DTNA: variants seen among roughly 807,000 people sequenced by gnomAD.
The protein encoded by DTNA is dystrophin-related protein 3.
In DTNA, 43 loss-of-function variants were observed where a neutral mutation model predicts 100.7. The ratio of observed to expected loss-of-function variants is 0.43; its 90% confidence interval spans 0.33 to 0.55. The LOEUF is 0.55. Ranked by LOEUF, DTNA falls within the 20% of genes least tolerant of loss-of-function variation. DTNA has a pLI of 0.04. For synonymous variants in DTNA, 349 were observed against 347.9 expected (o/e 1.00, Z -0.04); for missense variants, 798 against 953.9 (o/e 0.84, Z 2.15).
Position 34,616,694 on chromosome 18 carries a change from G to A in DTNA, c.-2+123180G>A, listed in dbSNP as rs886406289. ...TTAATAGTTTGATAGGAATAGCATT[G>A]AATCTGTAAATTGCTTTGAGCAATA... On this transcript the variant is annotated intron_variant, in intron 1 of 19. Coordinates refer to the DTNA transcript ENST00000283365. 9.9e-5 allele frequency among the ~76,000 whole-genome samples: 15 copies of A among 152,096 alleles called. 1 individual carries two copies. The highest frequency in any genetic ancestry group is 3.3e-4 in the Admixed American group (5 of 15,264).
At chr18:34,508,054 G>A (rs919701659) in intron 1 of DTNA, among the ~76,000 whole-genome samples, 2 of 151,966 alleles carry the variant, frequency 1.3e-5, no homozygotes, top group Non-Finnish European at 2.9e-5. Flanking sequence ...TAATGATTAT[G>A]CAATTATTTT....
chr18:34,859,569 G>A (rs2096593242), intron 16 of DTNA, among the ~76,000 whole-genome samples: 1 of 152,196 alleles, frequency 6.6e-6, no homozygotes, highest in South Asian at 2.1e-4. Flanking sequence ...GGTTGCAGGA[G>A]GGGACCAATC....
chr18:34,610,412 A>G (rs550176108), intron 1 of DTNA, among the ~76,000 whole-genome samples: 3 of 152,252 alleles, frequency 2.0e-5, no homozygotes, highest in South Asian at 2.1e-4. Flanking sequence ...ATAAATCACA[A>G]ATTTTCTGGT....
In DTNA at chr18:34,890,443, G is replaced by A; in HGVS notation, c.*2709G>A. ...TTTACTTTTGGGGCCTGTTCTAAGT[G>A]CAAACCCAGCAAGTTTCACTTGTCC... On this transcript the variant is annotated 3_prime_UTR_variant, in exon 23 of 23. Coordinates refer to ENST00000444659, the MANE Select transcript of DTNA (RefSeq NM_001386795.1). 1.3e-6 allele frequency: 2 copies of A among 1,536,084 alleles called. No homozygotes were observed. Among genetic ancestry groups the A allele is most frequent in the Non-Finnish European group, 1.7e-6 (2 of 1,146,892 alleles).
intron 17 of DTNA, chr18:34,866,423 T>G: frequency 7.7e-7 from 1 of 1,301,934 alleles, no homozygotes; most frequent in East Asian, 3.6e-5. Context: ...GGTATAAGTT[T>G]CAAACCAGTC....
intron 1 of DTNA, among the ~76,000 whole-genome samples, chr18:34,557,647 C>T (rs1387015760): frequency 6.6e-6 from 1 of 151,590 alleles, no homozygotes; most frequent in East Asian, 1.9e-4. Flanking sequence ...TCAGTGTGCC[C>T]CTGCTGGGGG....
At chr18:34,784,354 G>A (rs1274877655) in intron 3 of DTNA, among the ~76,000 whole-genome samples, 3 of 152,240 alleles carry the variant, frequency 2.0e-5, no homozygotes, top group East Asian at 3.9e-4. Context: ...TTTCCTCTAA[G>A]CTCCAACACA....
intron 1 of DTNA, among the ~76,000 whole-genome samples, chr18:34,575,073 A>G (rs1179222867): frequency 1.3e-5 from 2 of 152,242 alleles, no homozygotes; most frequent in Non-Finnish European, 2.9e-5. Context: ...TCAGAGGCAT[A>G]GCTGATATTG....
At chr18:34,511,379 A>G (rs2041075849) in intron 1 of DTNA, among the ~76,000 whole-genome samples, 1 of 152,100 alleles carries the variant, frequency 6.6e-6, no homozygotes, top group East Asian at 1.9e-4. Flanking sequence ...TCTAGATGAG[A>G]AAAAGATAGG....
chr18:34,735,273 A>G (rs1007844358), intron 1 of DTNA, among the ~76,000 whole-genome samples: 1 of 152,088 alleles, frequency 6.6e-6, no homozygotes, highest in Non-Finnish European at 1.5e-5. Context: ...ATTAGATTGT[A>G]CCTACCAGAT....
rs115712655 is a variant in DTNA at position 34,851,946 on chromosome 18, T to C, written c.1532+18T>C. The C allele has an allele frequency of 1.5e-3, 2,365 of 1,612,216 alleles. 40 individuals are homozygous for C. In the African/African-American group the frequency reaches 0.028, roughly 19 times the overall value. On this transcript the variant is annotated intron_variant, in intron 15 of 22. Transcript: ENST00000444659. The stretch of plus-strand genomic sequence containing the variant: ...AAGAACAGGTGAGACTTTGTAGACG[T>C]GCTGGCTTGTTTGATCAATGTGCGC...
At chr18:34,571,737 G>A (rs1476759185) in intron 1 of DTNA, among the ~76,000 whole-genome samples, 1 of 152,116 alleles carries the variant, frequency 6.6e-6, no homozygotes, top group Non-Finnish European at 1.5e-5. Flanking sequence ...CTAACTCTCT[G>A]CAAAGGGTCC....
chr18:34,774,524 T>G (rs2093947213), intron 3 of DTNA, among the ~76,000 whole-genome samples: 1 of 152,262 alleles, frequency 6.6e-6, no homozygotes, highest in African/African-American at 2.4e-5. Context: ...CACTCATTTA[T>G]GTATTCACTC....
intron 1 of DTNA, among the ~76,000 whole-genome samples, chr18:34,521,777 A>G (rs150340811): frequency 2.0e-5 from 3 of 152,184 alleles, no homozygotes; most frequent in African/African-American, 7.2e-5. Context: ...CTTCTCTACC[A>G]TTCTGCCTAG....
At chr18:34,650,457 T>G (rs1275777222) in intron 1 of DTNA, among the ~76,000 whole-genome samples, 1 of 152,208 alleles carries the variant, frequency 6.6e-6, no homozygotes, top group Non-Finnish European at 1.5e-5. Context: ...TTGTTCCTAC[T>G]TCTCCTTTTG....
rs147696018 is a variant in DTNA, at chr18:34,661,566, A to G, written c.-1-94410A>G. Among the ~76,000 whole-genome samples the G allele has an allele frequency of 3.7e-3, 565 of 152,326 alleles. 2 individuals carry two copies. Among genetic ancestry groups the G allele is most frequent in the Admixed American group, 8.7e-3 (133 of 15,308 alleles). On this transcript the variant is annotated intron_variant, in intron 1 of 19. Coordinates refer to the DTNA transcript ENST00000283365. ...TTTCAGTTCACATCTCACACATAAC[A>G]GCCAGAGTCTGTTTTGCTAATTTTA...
At chr18:34,809,757 C>T (rs2149302087) in intron 5 of DTNA, among the ~76,000 whole-genome samples, 1 of 152,174 alleles carries the variant, frequency 6.6e-6, no homozygotes, top group East Asian at 1.9e-4. Context: ...TTTTAAAAAA[C>T]AAAGAGAAAG....
intron 1 of DTNA, among the ~76,000 whole-genome samples, chr18:34,548,272 G>A (rs190626822): frequency 7.2e-5 from 11 of 152,170 alleles, no homozygotes; most frequent in African/African-American, 1.9e-4. Context: ...GCCTGAAGGT[G>A]TCCCTATACT....
chr18:34,827,540 A>C, intron 9 of DTNA, 53 bp from the exon 10 acceptor site: 1 of 1,571,578 alleles, frequency 6.4e-7, no homozygotes, highest in Non-Finnish European at 8.8e-7. Context: ...AGAGTTTTAA[A>C]TTTGTGACTT....
Sources: gnomAD v4.1 joint callset for allele counts (sites outside exome capture counted in the v4.1 genomes callset) on GRCh38, gnomAD v4.1.1 for gene constraint, MANE v1.5 for transcripts, NCBI Gene and HGNC (gene_info 2026-07-23, HGNC 2026-07-21) for gene names.